CASQ2: variants seen among roughly 807,000 people sequenced by gnomAD.
CASQ2 encodes calsequestrin-2.
Under a neutral mutation model 46.5 loss-of-function variants are expected in CASQ2, and 49 were observed. The observed-to-expected ratio is 1.05, with a 90% CI of 0.84 to 1.34. The LOEUF is 1.34. Among genes scored for constraint, CASQ2 ranks in the 40% most tolerant of loss-of-function variants. The pLI is 0.00. For synonymous variants in CASQ2, 174 were observed against 168.5 expected, an observed-to-expected ratio of 1.03 and a Z score of -0.25; for missense variants, 486 against 481.3, an observed-to-expected ratio of 1.01 and a Z score of -0.09.
At chr1:115,713,105 G>A (rs1048129814) in intron 8 of CASQ2, among the ~76,000 whole-genome samples, 5 of 152,122 alleles carry the variant, frequency 3.3e-5, no homozygotes, top group African/African-American at 1.2e-4. Flanking sequence ...GCTTGTTAGC[G>A]CTAATATTCC....
At chr1:115,708,773 G>A (rs566692138) in intron 8 of CASQ2, among the ~76,000 whole-genome samples, 12 of 152,312 alleles carry the variant, frequency 7.9e-5, no homozygotes, top group South Asian at 6.2e-4. Context: ...TTACCACATC[G>A]GTATTACGTT....
Position 115,744,812 on chromosome 1 carries a change from C to G in CASQ2, c.319+16G>C. On this transcript the variant is annotated intron_variant, in intron 2 of 10. Transcript: ENST00000261448. ...CGTTTCTTTCCCACATACAGTATCT[C>G]AAAAATCACACTTACCCAGTTTCTT... 12 of 1,590,182 alleles carry G rather than the reference C, an allele frequency of 7.5e-6. No individual in the cohort carries two copies. Among genetic ancestry groups the G allele is most frequent in the Non-Finnish European group, 1.0e-5 (12 of 1,158,382 alleles).
Position 115,701,131 on chromosome 1 carries a change from G to C in CASQ2, c.*110C>G. The C allele has an allele frequency of 6.5e-7, 1 of 1,542,330 alleles. No individual in the cohort carries two copies. Among genetic ancestry groups the C allele is most frequent in the South Asian group, 1.1e-5 (1 of 89,518 alleles). On this transcript the variant is annotated 3_prime_UTR_variant, in exon 11 of 11. Coordinates refer to ENST00000261448, the MANE Select transcript of CASQ2 (RefSeq NM_001232.4). ...GAGTGGGAAAAGAGATGATGGAAAA[G>C]GGAAAGGAGCTGGCTGGGTGTGGGG...
intron 7 of CASQ2, among the ~76,000 whole-genome samples, chr1:115,720,865 G>A (rs536460620): frequency 5.3e-5 from 8 of 152,146 alleles, no homozygotes; most frequent in South Asian, 2.1e-4. Context: ...TCTTTTTAAC[G>A]CCTATAGACT....
chr1:115,707,072 C>T (rs1393775403), intron 8 of CASQ2, among the ~76,000 whole-genome samples: 1 of 150,238 alleles, frequency 6.7e-6, no homozygotes, highest in Non-Finnish European at 1.5e-5. Flanking sequence ...GGCTGGAGTG[C>T]GTGGTGGGAT....
At chr1:115,753,889 T>A (rs6693356) in intron 1 of CASQ2, among the ~76,000 whole-genome samples, 41,461 of 147,860 alleles carry the variant, frequency 0.28, 6,083 homozygotes, top group East Asian at 0.43. Context: ...GGGCCAAGAA[T>A]CTGAAAAAAA....
chr1:115,731,711 C>T (rs4255385), intron 5 of CASQ2, among the ~76,000 whole-genome samples: 17,403 of 152,164 alleles, frequency 0.11, 1,065 homozygotes, highest in South Asian at 0.23. Flanking sequence ...AATTCAGTAA[C>T]TACATGATCA....
intron 7 of CASQ2, among the ~76,000 whole-genome samples, chr1:115,724,421 A>G (rs1570814378): frequency 6.6e-6 from 1 of 151,988 alleles, no homozygotes. Flanking sequence ...TCCCACCTCA[A>G]CTTCCCAAGG....
intron 5 of CASQ2, among the ~76,000 whole-genome samples, chr1:115,727,562 G>A (rs1647638834): frequency 6.6e-6 from 1 of 152,220 alleles, no homozygotes; most frequent in Non-Finnish European, 1.5e-5. Context: ...TAGGTACTCA[G>A]AATCAGAACC....
intron 5 of CASQ2, among the ~76,000 whole-genome samples, chr1:115,732,457 C>G (rs551748882): frequency 1.3e-5 from 2 of 152,332 alleles, no homozygotes; most frequent in African/African-American, 4.8e-5. Context: ...AGCTCACTGA[C>G]TTCCTCTTGT....
At chr1:115,756,092 C>G (rs558812968) in intron 1 of CASQ2, among the ~76,000 whole-genome samples, 51 of 152,304 alleles carry the variant, frequency 3.3e-4, no homozygotes, top group Admixed American at 3.3e-3. Context: ...TAGGTAGAAG[C>G]AGGTGAGCAT....
chr1:115,751,504 T>TAAA (rs5777246), intron 1 of CASQ2, among the ~76,000 whole-genome samples: 6 of 151,064 alleles, frequency 4.0e-5, no homozygotes, highest in African/African-American at 1.5e-4. Context: ...CCATCTCTGC[T>TAAA]AAAAAAAATA....
In CASQ2 at chr1:115,744,878, C is replaced by T. The variant is rs748926974; in HGVS notation, c.269G>A (p.Gly90Asp). The T allele has an allele frequency of 6.2e-7, 1 of 1,613,804 alleles. No individual in the cohort carries two copies. The highest frequency in any genetic ancestry group is 8.5e-7 in the Non-Finnish European group (1 of 1,179,866). Residue 90 changes from glycine to aspartate, a missense_variant, in exon 2 of 11, where the codon GGC becomes GAC. Gly to Asp is a moderately conservative substitution (Grantham distance 94). Coordinates refer to ENST00000261448, the MANE Select transcript of CASQ2 (RefSeq NM_001232.4). Reference sequence around the variant, plus strand: ...TTTCTTGGCATCCACCATCACAAAGCCTATAGCTTTATGTTCAAGGACCTG... The same window carrying T: ...TTTCTTGGCATCCACCATCACAAAGTCTATAGCTTTATGTTCAAGGACCTG... ...VAQVLEHKAI[G>D]FVMVDAKKEA...
At chr1:115,752,268 TCA>T (rs1456326658) in intron 1 of CASQ2, among the ~76,000 whole-genome samples, 1 of 152,238 alleles carries the variant, frequency 6.6e-6, no homozygotes, top group Non-Finnish European at 1.5e-5. Context: ...TGCAACCATT[TCA>T]CAGTTGCAAG....
At chr1:115,711,874 C>G (rs920996152) in intron 8 of CASQ2, among the ~76,000 whole-genome samples, 2 of 152,028 alleles carry the variant, frequency 1.3e-5, no homozygotes, top group Admixed American at 1.3e-4. Context: ...AGACTGGTCT[C>G]GAACTCCTGA....
At position 115,723,598 on chromosome 1, in the gene CASQ2, T is replaced by C. The variant is rs191413362; in HGVS notation, c.783+1910A>G. Among the ~76,000 whole-genome samples the C allele has an allele frequency of 2.2e-4, 34 of 152,054 alleles. No individual in the cohort carries two copies. The East Asian group carries it at 6.4e-3, about 28-fold the overall frequency. On this transcript the variant is annotated intron_variant, in intron 7 of 10. Coordinates refer to ENST00000261448, the MANE Select transcript of CASQ2 (RefSeq NM_001232.4). ...TGTTGCCCAGGCTGGAGTGCAGTGG[T>C]GCAATCACAGCTAACTGCAACTTCT...
At chr1:115,739,221 C>T (rs2101093552) in intron 3 of CASQ2, among the ~76,000 whole-genome samples, 1 of 150,472 alleles carries the variant, frequency 6.6e-6, no homozygotes, top group East Asian at 2.0e-4. Flanking sequence ...ACGCCATTCT[C>T]CTGCCTTAGC....
At chr1:115,707,839 G>A (rs139185480) in intron 8 of CASQ2, among the ~76,000 whole-genome samples, 1 of 152,346 alleles carries the variant, frequency 6.6e-6, no homozygotes, top group East Asian at 1.9e-4. Flanking sequence ...TCACAGAGAG[G>A]ATGAAATGCA....
intron 1 of CASQ2, among the ~76,000 whole-genome samples, chr1:115,753,324 G>A (rs964830100): frequency 4.6e-5 from 7 of 152,212 alleles, no homozygotes; most frequent in African/African-American, 1.7e-4. Flanking sequence ...GCAGAGCGGA[G>A]CTATGGGAGA....
Sources: gnomAD v4.1 joint callset for allele counts (sites outside exome capture counted in the v4.1 genomes callset) on GRCh38, gnomAD v4.1.1 for gene constraint, MANE v1.5 for transcripts, NCBI Gene and HGNC (gene_info 2026-07-23, HGNC 2026-07-21) for gene names.